SMG1: variants seen among roughly 807,000 people sequenced by gnomAD.
The protein encoded by SMG1 is SMG1 nonsense mediated mRNA decay associated PI3K related kinase, also known as serine/threonine-protein kinase SMG1.
SMG1 carries 22 observed loss-of-function variants against 419.9 expected under a neutral mutation model. The observed-to-expected ratio is 0.05, with a 90% CI of 0.04 to 0.07. The LOEUF is 0.07. Ranked by LOEUF, SMG1 falls within the 10% of genes least tolerant of loss-of-function variation. The pLI, the probability that SMG1 is intolerant of heterozygous loss-of-function variation, is 1.00. For missense variants in SMG1, 3,185 were observed against 4,342.0 expected (o/e 0.73, Z 7.49); for synonymous variants, 1,538 against 1,553.5 (o/e 0.99, Z 0.23).
intron 46 of SMG1, 97 bp from the exon 47 acceptor site, chr16:18,836,629 TACGC>T: frequency 7.7e-7 from 1 of 1,301,134 alleles, no homozygotes; most frequent in Non-Finnish European, 1.1e-6. Flanking sequence ...GACTGTCTGG[TACGC>T]TCCTTGTTCA....
intron 60 of SMG1, among the ~76,000 whole-genome samples, chr16:18,812,967 G>A (rs904562764): frequency 6.6e-6 from 1 of 152,008 alleles, no homozygotes; most frequent in Non-Finnish European, 1.5e-5. Flanking sequence ...ATGGTTTCCA[G>A]CTTCATCCAT....
intron 31 of SMG1, among the ~76,000 whole-genome samples, chr16:18,852,863 T>C (rs2034677691): frequency 6.6e-6 from 1 of 152,224 alleles, no homozygotes; most frequent in African/African-American, 2.4e-5. Context: ...TACTGTTTCA[T>C]TCATACAGAC....
Position 18,850,144 on chromosome 16 carries a change from G to A in SMG1, c.5284-18C>T, listed in dbSNP as rs1223489516. ...AAAGGAATCTAAGAGTGAAAGATGA[G>A]GGGAATAAATAAGAAAATAACTCAG... On this transcript the variant is annotated intron_variant, in intron 34 of 62. Coordinates refer to ENST00000446231, the MANE Select transcript of SMG1 (RefSeq NM_015092.5). The A allele has an allele frequency of 6.9e-6, 11 of 1,604,940 alleles. No homozygotes were observed. The highest frequency in any genetic ancestry group is 4.5e-5 in the East Asian group (2 of 44,802).
chr16:18,878,024 C>A (rs997341424), intron 11 of SMG1: 1 of 152,124 alleles, frequency 6.6e-6, no homozygotes, highest in African/African-American at 2.4e-5. Context: ...TAAATATGTA[C>A]AAATTTATTA....
intron 28 of SMG1, 61 bp from the exon 29 acceptor site, chr16:18,858,351 T>G (rs1025455274): frequency 6.6e-7 from 1 of 1,511,482 alleles, no homozygotes; most frequent in African/African-American, 1.4e-5. Context: ...TTTGCAGATA[T>G]ATAGCAAGTC....
rs561986263 is a variant in SMG1 at position 18,885,683 on chromosome 16, T to G, written c.823-17A>C. On this transcript the variant is annotated splice_polypyrimidine_tract_variant and intron_variant, in intron 6 of 62. Coordinates refer to ENST00000446231, the MANE Select transcript of SMG1 (RefSeq NM_015092.5). The stretch of plus-strand genomic sequence containing the variant: ...CATTACAAGCTTAAAAATAAAAAGT[T>G]ACAAACCGTGAACATTCAACAAAAT... 6.3e-7 allele frequency: 1 copy of G among 1,595,398 alleles called. No homozygotes were observed. Among genetic ancestry groups the G allele is most frequent in the South Asian group, 1.1e-5 (1 of 90,968 alleles).
In SMG1 at chr16:18,811,870, A is replaced by G. The variant is rs2291662; in HGVS notation, c.10802-3T>C. The G allele has an allele frequency of 0.36, 582,843 of 1,613,520 alleles. 109,234 individuals carry two copies. The highest frequency in any genetic ancestry group is 0.39 in the Non-Finnish European group (458,738 of 1,179,678). On this transcript the variant is annotated splice_region_variant and splice_polypyrimidine_tract_variant and intron_variant, in intron 61 of 62. Transcript: ENST00000446231. ...ATAGGAGTTTCTCTCTTGCACCGCT[A>G]TGAAGCAACAAAAACATACGTAAGT...
intron 23 of SMG1, among the ~76,000 whole-genome samples, chr16:18,865,226 T>A (rs532638677): frequency 6.6e-6 from 1 of 152,206 alleles, no homozygotes; most frequent in South Asian, 2.1e-4. Flanking sequence ...TCACAAAAGG[T>A]CACTATATGG....
At position 18,836,153 on chromosome 16, in the gene SMG1, T is replaced by G; in HGVS notation, c.7837A>C (p.Ile2613Leu). The G allele has an allele frequency of 6.2e-7, 1 of 1,611,486 alleles. No homozygotes were observed. The highest frequency in any genetic ancestry group is 8.5e-7 in the Non-Finnish European group (1 of 1,178,800). Reference sequence around the variant, plus strand: ...CCCTCCAGCTGCTCGCACTGGCTAATCAAGTGGGCCTGACCAGCATTCTGC... The same window carrying G: ...CCCTCCAGCTGCTCGCACTGGCTAAGCAAGTGGGCCTGACCAGCATTCTGC... The part of the protein sequence containing the change: ...FLQNAGQAHL[I>L]SQCEQLEGEV... Residue 2613 changes from isoleucine to leucine, a missense_variant, in exon 48 of 63, where the codon ATT (isoleucine) becomes CTT (leucine). Transcript: ENST00000446231.
chr16:18,858,121 A>G (rs1302034863), intron 29 of SMG1, 49 bp downstream of exon 29: 2 of 1,501,016 alleles, frequency 1.3e-6, no homozygotes, highest in African/African-American at 2.8e-5. Context: ...GCAAAATTTA[A>G]AAAAAGAACA....
Position 18,854,699 on chromosome 16 carries a change from C to T in SMG1, c.4440G>A (p.Gly1480=), listed in dbSNP as rs779502841. 3 of 1,613,864 alleles carry T rather than the reference C, an allele frequency of 1.9e-6. No individual in the cohort carries two copies. Among genetic ancestry groups the T allele is most frequent in the Admixed American group, 3.3e-5 (2 of 60,012 alleles). Residue 1480 remains glycine, a synonymous_variant, in exon 30 of 63, where the codon GGG becomes GGA. Transcript: ENST00000446231. ...TGGTTTTTTCAATATCAAGTTCGGG[C>T]CCCCATTTTTCATCCACTTGACCTT... The part of the protein sequence containing the change: ...STQGQVDEKW[G]PELDIEKTKL...
rs754084686 is a variant in SMG1, at chr16:18,858,129, A to G, written c.4234+41T>C. 3.3e-6 allele frequency: 5 copies of G among 1,510,804 alleles called. No homozygotes were observed. In the South Asian group the frequency reaches 6.4e-5, roughly 19 times the overall value. 93.6% of individuals were successfully genotyped at this position (1,510,804 alleles called of 1,614,324 possible). A position where few individuals can be genotyped will look rare whatever the true frequency, so the allele number is the denominator to read the frequency against. The stretch of plus-strand genomic sequence containing the variant: ...CAATAAAGCAAAATTTAAAAAAAGA[A>G]CACCTTTAATTTTCTCTTACAAGAA... On this transcript the variant is annotated intron_variant, in intron 29 of 62. Transcript: ENST00000446231.
intron 42 of SMG1, 103 bp downstream of exon 42, chr16:18,839,595 G>A: frequency 6.9e-7 from 1 of 1,453,704 alleles, no homozygotes; most frequent in Non-Finnish European, 9.5e-7. Context: ...ACCAAGTCTG[G>A]AGGGACAGAG....
chr16:18,837,916 A>G, intron 45 of SMG1, 98 bp downstream of exon 45: 1 of 1,353,630 alleles, frequency 7.4e-7, no homozygotes, highest in Non-Finnish European at 1.0e-6. Context: ...TAGTTTTGCC[A>G]AAAAAATTAG....
In SMG1 at chr16:18,853,881, C is replaced by T. The variant is rs753575943; in HGVS notation, c.4484-14G>A. On this transcript the variant is annotated splice_polypyrimidine_tract_variant and intron_variant, in intron 30 of 62. Transcript: ENST00000446231. ...GTGTTGACTGGCCTACAGAAAACCACAAAGTCAGAACTTAGAACCTTTAAA... is the reference window on the plus strand; with the variant it reads ...GTGTTGACTGGCCTACAGAAAACCATAAAGTCAGAACTTAGAACCTTTAAA... The T allele has an allele frequency of 7.5e-6, 12 of 1,596,278 alleles. No individual in the cohort carries two copies. Among genetic ancestry groups the T allele is most frequent in the Non-Finnish European group, 1.0e-5 (12 of 1,169,894 alleles).
chr16:18,849,841 C>T (rs2034491428), intron 35 of SMG1, 108 bp downstream of exon 35: 2 of 1,064,736 alleles, frequency 1.9e-6, no homozygotes, highest in Non-Finnish European at 2.7e-6. Flanking sequence ...GTTAATCTGG[C>T]TATTCTTTTT....
intron 39 of SMG1, 93 bp downstream of exon 39, chr16:18,845,336 A>G: frequency 1.9e-6 from 2 of 1,073,632 alleles, no homozygotes. Flanking sequence ...AAAATCTCTT[A>G]CATTCCAAGT....
At chr16:18,841,516 C>A in intron 41 of SMG1, 49 bp downstream of exon 41, 1 of 1,553,736 alleles carries the variant, frequency 6.4e-7, no homozygotes, top group East Asian at 2.3e-5. Context: ...AAGTATTTCA[C>A]ATAATAACAG....
At chr16:18,902,605 T>C (rs1282406190) in intron 1 of SMG1, among the ~76,000 whole-genome samples, 2 of 151,448 alleles carry the variant, frequency 1.3e-5, no homozygotes, top group Non-Finnish European at 2.9e-5. Flanking sequence ...GTGGCTGACG[T>C]AGGAGGACTG....
Sources: allele counts gnomAD v4.1 joint callset (sites outside exome capture counted in the v4.1 genomes callset), GRCh38; gene constraint gnomAD v4.1.1; transcripts MANE v1.5; gene names NCBI Gene and HGNC (gene_info 2026-07-23, HGNC 2026-07-21).